CCDC32: variants seen among roughly 807,000 people sequenced by gnomAD.
The protein encoded by CCDC32 is coiled-coil domain containing 32.
Under a neutral mutation model 20.1 loss-of-function variants are expected in CCDC32, and 9 were observed. That is an observed-to-expected ratio of 0.45 (90% CI 0.27 to 0.78). CCDC32 has a LOEUF of 0.78. Among genes scored for constraint, CCDC32 ranks in the 30% least tolerant of loss-of-function variants. The probability of loss-of-function intolerance (pLI) is 0.16; values close to 1 mark genes in which losing one functional copy is unlikely to be tolerated. For missense variants in CCDC32, 204 were observed against 215.5 expected (o/e 0.95, Z 0.33); for synonymous variants, 63 against 79.0 (o/e 0.80, Z 1.07).
intron 3 of CCDC32, among the ~76,000 whole-genome samples, chr15:40,541,135 G>C (rs1190183436): frequency 6.6e-6 from 1 of 152,208 alleles, no homozygotes; most frequent in East Asian, 1.9e-4. Flanking sequence ...CGCAGCTGCA[G>C]CGGATGCTTC....
the CCDC32 span, among the ~76,000 whole-genome samples, chr15:40,521,360 C>T: frequency 2.6e-5 from 4 of 152,322 alleles, no homozygotes; most frequent in South Asian, 8.3e-4. Flanking sequence ...CAAGGTTCAT[C>T]CACGTTGTAG....
chr15:40,555,425 C>T (rs1229505337), intron 3 of CCDC32, among the ~76,000 whole-genome samples: 2 of 152,148 alleles, frequency 1.3e-5, no homozygotes, highest in East Asian at 1.9e-4. Flanking sequence ...TTTGTCTTTT[C>T]TTCTCAGAGC....
intron 3 of CCDC32, among the ~76,000 whole-genome samples, chr15:40,541,331 ATAT>A (rs1027502205): frequency 3.9e-4 from 35 of 90,230 alleles, no homozygotes; most frequent in Non-Finnish European, 6.3e-4. Context: ...CTGAGCTGTA[ATAT>A]TTTTTTTTTT....
chr15:40,564,262 G>GT (rs1890872584), intron 1 of CCDC32, among the ~76,000 whole-genome samples: 1 of 152,134 alleles, frequency 6.6e-6, no homozygotes, highest in African/African-American at 2.4e-5. Context: ...CAGTTCAGCC[G>GT]TATGTCTCAT....
chr15:40,560,584 G>A (rs1441084849), intron 2 of CCDC32, among the ~76,000 whole-genome samples: 1 of 152,124 alleles, frequency 6.6e-6, no homozygotes, highest in African/African-American at 2.4e-5. Context: ...AATGGGATTT[G>A]AGAAGATATA....
At chr15:40,550,964 C>T (rs559674279), downstream of CCDC32, among the ~76,000 whole-genome samples, 6 of 152,296 alleles carry the variant, frequency 3.9e-5, no homozygotes, top group South Asian at 1.2e-3. Context: ...CCATGATCTG[C>T]ACTTTGGGAG....
chr15:40,542,693 C>T (rs1310286026), intron 3 of CCDC32, among the ~76,000 whole-genome samples: 12 of 151,564 alleles, frequency 7.9e-5, no homozygotes, highest in Admixed American at 7.9e-4. Flanking sequence ...ACGGTGAAAC[C>T]CCGTCTCTAC....
At chr15:40,562,676 A>G in intron 2 of CCDC32, 96 bp downstream of exon 2, 2 of 1,366,388 alleles carry the variant, frequency 1.5e-6, no homozygotes, top group Non-Finnish European at 2.0e-6. Flanking sequence ...TATCTGACAG[A>G]TACGTGTGAC....
Position 40,557,199 on chromosome 15 carries a change from G to A in CCDC32, c.401+17C>T. 5.6e-6 allele frequency: 9 copies of A among 1,602,178 alleles called. No homozygotes were observed. The highest frequency in any genetic ancestry group is 7.7e-6 in the Non-Finnish European group (9 of 1,175,600). On this transcript the variant is annotated intron_variant, in intron 3 of 3. Coordinates refer to ENST00000416810, the MANE Select transcript of CCDC32 (RefSeq NM_001080792.4). ...TAAAGGATGATTTCAGCTGGAACTA[G>A]ACGGGGAATCGATTACCTCTCATCA...
At chr15:40,538,271 G>A (rs1889218165), downstream of CCDC32, 1 of 152,174 alleles carries the variant, frequency 6.6e-6, no homozygotes, top group African/African-American at 2.4e-5. Context: ...TTTATTCTGA[G>A]GCTATGGTCT....
chr15:40,562,653 T>G, intron 2 of CCDC32, 119 bp downstream of exon 2: 1 of 1,183,710 alleles, frequency 8.4e-7, no homozygotes, highest in Non-Finnish European at 1.2e-6. Flanking sequence ...GCTTGAAACA[T>G]CCCTTGGAAT....
chr15:40,532,292 A>G (rs1888905300), downstream of CCDC32: 5 of 703,106 alleles, frequency 7.1e-6, no homozygotes, highest in Non-Finnish European at 1.3e-5. Context: ...CTACTTTGCA[A>G]TTGTAGTCAC....
intron 1 of CCDC32, 66 bp downstream of exon 1, chr15:40,564,910 G>A (rs1890919409): frequency 1.7e-6 from 2 of 1,169,768 alleles, no homozygotes; most frequent in South Asian, 1.3e-5. Context: ...CCTCTATGTG[G>A]TATTCCGGGG....
intron 2 of CCDC32, among the ~76,000 whole-genome samples, chr15:40,561,498 A>G: frequency 7.3e-6 from 1 of 136,862 alleles, no homozygotes; most frequent in East Asian, 2.0e-4. Context: ...AACAACAACC[A>G]AAAAAAAAAC....
chr15:40,523,937 G>A (rs888683670), downstream of CCDC32, among the ~76,000 whole-genome samples: 2 of 152,082 alleles, frequency 1.3e-5, no homozygotes, highest in Admixed American at 6.6e-5. Context: ...CCATTTTGTG[G>A]TATTTACCCA....
chr15:40,524,433 A>C (rs560885302), downstream of CCDC32, among the ~76,000 whole-genome samples: 15 of 152,262 alleles, frequency 9.9e-5, no homozygotes, highest in East Asian at 2.9e-3. Context: ...CTGGGATTAC[A>C]GGCCTGAGCC....
rs1890926201 is a variant in CCDC32, at chr15:40,564,984, C to T, written c.-21G>A. ...AGCCCCTCCTCACTTACCGTAACAG[C>T]TGCCCAGTAAACGCTTGGCTCAGCT... On this transcript the variant is annotated 5_prime_UTR_variant, in exon 1 of 4. Transcript: ENST00000416810. 4.9e-6 allele frequency: 3 copies of T among 611,632 alleles called. No homozygotes were observed. The highest frequency in any genetic ancestry group is 2.9e-5 in the Admixed American group (1 of 34,082). The allele number at this position is 611,632 out of a possible 1,614,324, so 37.9% of individuals were successfully genotyped here.
intron 3 of CCDC32, among the ~76,000 whole-genome samples, chr15:40,539,840 C>CACACACACACACACACACACACACA (rs1555413863): frequency 2.2e-5 from 3 of 134,542 alleles, no homozygotes; most frequent in Admixed American, 1.6e-4. Context: ...CAAACTGTTG[C>CACACACACACACACACACACACACA]CACACACACA....
chr15:40,559,312 C>T (rs982126703), intron 2 of CCDC32, among the ~76,000 whole-genome samples: 1 of 152,198 alleles, frequency 6.6e-6, no homozygotes, highest in Non-Finnish European at 1.5e-5. Context: ...GTCTCAAACT[C>T]TTGGCCTACA....
Sources: allele counts gnomAD v4.1 joint callset (sites outside exome capture counted in the v4.1 genomes callset), GRCh38; gene constraint gnomAD v4.1.1; transcripts MANE v1.5; gene names NCBI Gene and HGNC (gene_info 2026-07-23, HGNC 2026-07-21).